Variants in SUGCT observed in about 807,000 individuals in gnomAD.
The protein encoded by SUGCT is succinyl-CoA:glutarate CoA-transferase.
In SUGCT, 41 loss-of-function variants were observed where a neutral mutation model predicts 55.0. The observed-to-expected ratio is 0.74, with a 90% CI of 0.58 to 0.97. SUGCT has a LOEUF of 0.97. Ranked by LOEUF, SUGCT falls within the 50% of genes least tolerant of loss-of-function variation. The pLI, the probability that SUGCT is intolerant of heterozygous loss-of-function variation, is 0.00. For synonymous variants in SUGCT, 187 were observed against 200.4 expected (o/e 0.93, Z 0.56); for missense variants, 568 against 547.8 (o/e 1.04, Z -0.37).
intron 1 of SUGCT, among the ~76,000 whole-genome samples, chr7:40,177,648 G>A (rs1429723424): frequency 2.0e-5 from 3 of 152,018 alleles, no homozygotes; most frequent in Middle Eastern, 3.4e-3. Context: ...ATCCCATACC[G>A]CAATGCAAGT....
chr7:40,988,708 T>C, the SUGCT span, among the ~76,000 whole-genome samples: 1 of 152,160 alleles, frequency 6.6e-6, no homozygotes, highest in Non-Finnish European at 1.5e-5. Context: ...AAAGATAAAC[T>C]AAAGAACTCC....
intron 12 of SUGCT, among the ~76,000 whole-genome samples, chr7:40,628,014 G>A (rs1029771867): frequency 6.6e-6 from 1 of 152,192 alleles, no homozygotes; most frequent in Admixed American, 6.5e-5. Context: ...TATATTGAGT[G>A]GTTTTATATT....
chr7:40,348,358 T>C (rs1182786916), intron 9 of SUGCT, among the ~76,000 whole-genome samples: 1 of 152,130 alleles, frequency 6.6e-6, no homozygotes, highest in Non-Finnish European at 1.5e-5. Flanking sequence ...TGTGAAATGG[T>C]AAGGGTTTAC....
At chr7:40,445,303 T>C (rs1400224042) in intron 9 of SUGCT, among the ~76,000 whole-genome samples, 1 of 151,948 alleles carries the variant, frequency 6.6e-6, no homozygotes, top group Admixed American at 6.6e-5. Flanking sequence ...CAATAAAAAA[T>C]GATAAAGGGG....
At chr7:40,641,205 G>A (rs545645238) in intron 12 of SUGCT, among the ~76,000 whole-genome samples, 20 of 152,166 alleles carry the variant, frequency 1.3e-4, no homozygotes, top group Admixed American at 1.2e-3. Context: ...TAAAACCAAA[G>A]GATAAGACAT....
intron 9 of SUGCT, among the ~76,000 whole-genome samples, chr7:40,342,934 C>T (rs1562698487): frequency 1.3e-5 from 2 of 152,182 alleles, no homozygotes; most frequent in South Asian, 2.1e-4. Flanking sequence ...TGGGCCACTG[C>T]GTCTGGCTTG....
chr7:40,924,269 T>TGTGA, the SUGCT span, among the ~76,000 whole-genome samples: 19 of 98,758 alleles, frequency 1.9e-4, no homozygotes, highest in African/African-American at 5.4e-4. Context: ...CAATTACGTG[T>TGTGA]GTGTGTGTGT....
chr7:40,217,384 T>C (rs2150813116), intron 6 of SUGCT: 1 of 435,662 alleles, frequency 2.3e-6, no homozygotes, highest in Middle Eastern at 3.9e-4. Flanking sequence ...CTAATTTTTG[T>C]ATTTTTTTGT....
intron 9 of SUGCT, among the ~76,000 whole-genome samples, chr7:40,425,114 T>C (rs572710114): frequency 6.6e-6 from 1 of 152,260 alleles, no homozygotes; most frequent in East Asian, 1.9e-4. Flanking sequence ...TAAGTGGTTG[T>C]AAATGCTATG....
intron 13 of SUGCT, among the ~76,000 whole-genome samples, chr7:40,781,924 A>G (rs936473806): frequency 2.6e-5 from 4 of 152,144 alleles, no homozygotes; most frequent in African/African-American, 7.2e-5. Flanking sequence ...AATTGATAGT[A>G]TGAGACGTAA....
intron 12 of SUGCT, among the ~76,000 whole-genome samples, chr7:40,635,276 A>G (rs1358093792): frequency 1.3e-5 from 2 of 151,946 alleles, no homozygotes; most frequent in Admixed American, 6.6e-5. Flanking sequence ...ACAGAGCAAG[A>G]CTCTGTCTCC....
At chr7:40,693,676 C>A (rs745826987) in intron 12 of SUGCT, among the ~76,000 whole-genome samples, 3 of 152,172 alleles carry the variant, frequency 2.0e-5, no homozygotes, top group African/African-American at 4.8e-5. Flanking sequence ...ATCAGCCAGT[C>A]AAGAAAGCCT....
At chr7:40,872,184 C>T in the SUGCT span, among the ~76,000 whole-genome samples, 1 of 152,158 alleles carries the variant, frequency 6.6e-6, no homozygotes, top group Non-Finnish European at 1.5e-5. Context: ...CTAGAGGAAG[C>T]TAATCCTTCA....
intron 12 of SUGCT, among the ~76,000 whole-genome samples, chr7:40,660,686 G>A (rs963485111): frequency 5.3e-5 from 8 of 152,284 alleles, no homozygotes; most frequent in Admixed American, 2.6e-4. Context: ...TACCTTAGAT[G>A]TAATCACTGC....
rs1402546831 is a variant in SUGCT, at chr7:40,675,203, GGCACGTGCCACTAT to G, written c.1090-74228_1090-74215del. ...AGCTCCCCAAGTAGCTGGGATTACAGGCACGTGCCACTATGCCCAGCTAATTTTTGTATTTTTAG... is the reference window on the plus strand; with the variant it reads ...AGCTCCCCAAGTAGCTGGGATTACAGGCCCAGCTAATTTTTGTATTTTTAG... On this transcript the variant is annotated intron_variant, in intron 12 of 13. Coordinates refer to ENST00000335693, the MANE Select transcript of SUGCT (RefSeq NM_001193313.2). Among the ~76,000 whole-genome samples the G allele has an allele frequency of 4.6e-5, 7 of 151,876 alleles. 1 individual carries two copies. Among genetic ancestry groups the G allele is most frequent in the Admixed American group, 1.3e-4 (2 of 15,232 alleles).
chr7:40,951,677 G>T, the SUGCT span, among the ~76,000 whole-genome samples: 1 of 152,088 alleles, frequency 6.6e-6, no homozygotes, highest in African/African-American at 2.4e-5. Context: ...TGGTTTCAAA[G>T]AACATCTTTA....
intron 13 of SUGCT, among the ~76,000 whole-genome samples, chr7:40,775,898 T>A (rs1035353846): frequency 6.6e-5 from 10 of 152,350 alleles, no homozygotes; most frequent in African/African-American, 2.4e-4. Context: ...GCCTCTGGAA[T>A]TGTTACTTTA....
intron 12 of SUGCT, among the ~76,000 whole-genome samples, chr7:40,646,395 G>C (rs1800513580): frequency 6.6e-6 from 1 of 151,334 alleles, no homozygotes; most frequent in African/African-American, 2.4e-5. Context: ...TTTTTTCTTT[G>C]TTTAAAACCC....
At chr7:40,968,415 C>T in the SUGCT span, among the ~76,000 whole-genome samples, 3 of 152,172 alleles carry the variant, frequency 2.0e-5, no homozygotes, top group Admixed American at 2.0e-4. Flanking sequence ...TTAACACTAA[C>T]TGGCATGGAC....
Sources: allele counts gnomAD v4.1 joint callset (sites outside exome capture counted in the v4.1 genomes callset), GRCh38; gene constraint gnomAD v4.1.1; transcripts MANE v1.5; gene names NCBI Gene and HGNC (gene_info 2026-07-23, HGNC 2026-07-21).